MARCHF4: variants seen among roughly 807,000 people sequenced by gnomAD.
The protein encoded by MARCHF4 is E3 ubiquitin-protein ligase MARCHF4.
A neutral mutation model predicts 43.9 loss-of-function variants in MARCHF4; 14 were observed. The observed-to-expected ratio is 0.32, with a 90% confidence interval of 0.21 to 0.50. The LOEUF (loss-of-function observed/expected upper bound fraction) is 0.50, where lower values mean the gene tolerates loss of function less well. MARCHF4 is among the 20% of genes least tolerant of loss of function. The probability of loss-of-function intolerance (pLI) is 0.98; values close to 1 mark genes in which losing one functional copy is unlikely to be tolerated. For synonymous variants in MARCHF4, 226 were observed against 213.3 expected (o/e 1.06, Z -0.52); for missense variants, 468 against 536.7 (o/e 0.87, Z 1.27).
chr2:216,293,652 T>A (rs1358501903), intron 1 of MARCHF4, among the ~76,000 whole-genome samples: 1 of 85,052 alleles, frequency 1.2e-5, no homozygotes, highest in African/African-American at 2.8e-5. Flanking sequence ...ATGTTTTTCA[T>A]TTTCACAATA....
rs146275750 is a variant in MARCHF4, at chr2:216,273,501, C to T, written c.865+4171G>A. ...GAGCTTGGGCTTATGGATATTGATG[C>T]TTTTTTGTCAATGTTTTCCTCAACC... On this transcript the variant is annotated intron_variant, in intron 3 of 3. Transcript: ENST00000273067. Among the ~76,000 whole-genome samples, 431 of 152,266 alleles carry T rather than the reference C, an allele frequency of 2.8e-3. 2 individuals are homozygous for T. The highest frequency in any genetic ancestry group is 9.8e-3 in the African/African-American group (409 of 41,546).
chr2:216,280,057 A>G (rs1420186648), intron 2 of MARCHF4, among the ~76,000 whole-genome samples: 4 of 152,066 alleles, frequency 2.6e-5, no homozygotes, highest in Non-Finnish European at 5.9e-5. Flanking sequence ...TGGAACCTAA[A>G]TGGGGCTCCT....
At chr2:216,293,962 G>A (rs1017525362) in intron 1 of MARCHF4, among the ~76,000 whole-genome samples, 1 of 97,770 alleles carries the variant, frequency 1.0e-5, no homozygotes, top group Admixed American at 1.1e-4. Flanking sequence ...TTGTCTTTCT[G>A]CATAACTCAT....
chr2:216,366,377 G>T (rs1005241238), intron 1 of MARCHF4, among the ~76,000 whole-genome samples: 32 of 152,264 alleles, frequency 2.1e-4, no homozygotes, highest in Admixed American at 1.9e-3. Flanking sequence ...CTGGACTCTG[G>T]TTCTACAGTC....
intron 1 of MARCHF4, among the ~76,000 whole-genome samples, chr2:216,289,995 T>C (rs1450354613): frequency 1.3e-5 from 2 of 152,238 alleles, no homozygotes; most frequent in African/African-American, 4.8e-5. Flanking sequence ...TATCATTTAT[T>C]CATTAAATAT....
chr2:216,273,387 T>A (rs921500074), intron 3 of MARCHF4, among the ~76,000 whole-genome samples: 3 of 152,230 alleles, frequency 2.0e-5, no homozygotes, highest in Non-Finnish European at 4.4e-5. Flanking sequence ...TTACTCGGCT[T>A]TTTGAGCCAA....
At chr2:216,324,929 A>G (rs1044615064) in intron 1 of MARCHF4, among the ~76,000 whole-genome samples, 2 of 150,142 alleles carry the variant, frequency 1.3e-5, no homozygotes, top group Admixed American at 6.7e-5. Context: ...CTCTCTCACC[A>G]CTCCTATTCA....
At chr2:216,310,318 G>A (rs1034515198) in intron 1 of MARCHF4, among the ~76,000 whole-genome samples, 6 of 152,122 alleles carry the variant, frequency 3.9e-5, no homozygotes, top group Admixed American at 3.9e-4. Flanking sequence ...CTGGAGTGCA[G>A]TGGCATGATC....
At chr2:216,367,570 G>A (rs1692686074) in intron 1 of MARCHF4, among the ~76,000 whole-genome samples, 1 of 152,154 alleles carries the variant, frequency 6.6e-6, no homozygotes, top group Non-Finnish European at 1.5e-5. Flanking sequence ...GCACAGATAA[G>A]GTAAACCCCC....
At chr2:216,314,871 C>G (rs1237727197) in intron 1 of MARCHF4, among the ~76,000 whole-genome samples, 1 of 152,110 alleles carries the variant, frequency 6.6e-6, no homozygotes, top group East Asian at 1.9e-4. Context: ...AAAGAAAACA[C>G]AGATAAATAT....
chr2:216,366,519 C>T (rs1692667835), intron 1 of MARCHF4, among the ~76,000 whole-genome samples: 1 of 152,080 alleles, frequency 6.6e-6, no homozygotes, highest in African/African-American at 2.4e-5. Context: ...CTCTCTCTTC[C>T]TTTCTTCTCT....
chr2:216,316,621 C>A (rs534374039), intron 1 of MARCHF4, among the ~76,000 whole-genome samples: 23 of 152,136 alleles, frequency 1.5e-4, no homozygotes, highest in Non-Finnish European at 3.1e-4. Flanking sequence ...AGATACACCC[C>A]CAAATCCCAA....
At chr2:216,262,306 C>A (rs1690754047) in intron 3 of MARCHF4, among the ~76,000 whole-genome samples, 1 of 152,028 alleles carries the variant, frequency 6.6e-6, no homozygotes, top group Non-Finnish European at 1.5e-5. Flanking sequence ...TGATTTTTCT[C>A]CACCCCTTCA....
At chr2:216,354,959 C>CTTTCTTTCTTTCTTTA in intron 1 of MARCHF4, among the ~76,000 whole-genome samples, 1 of 135,326 alleles carries the variant, frequency 7.4e-6, no homozygotes, top group Admixed American at 7.5e-5. Flanking sequence ...TTCTTTCTTT[C>CTTTCTTTCTTTCTTTA]TTTCTTTCTT....
intron 1 of MARCHF4, among the ~76,000 whole-genome samples, chr2:216,339,350 C>G (rs1314649652): frequency 6.6e-6 from 1 of 152,232 alleles, no homozygotes; most frequent in Non-Finnish European, 1.5e-5. Flanking sequence ...ATGGTCCTCT[C>G]TCCTCCATTG....
At chr2:216,325,265 G>A (rs1352048926) in intron 1 of MARCHF4, among the ~76,000 whole-genome samples, 1 of 152,166 alleles carries the variant, frequency 6.6e-6, no homozygotes, top group Non-Finnish European at 1.5e-5. Context: ...AAAGGGATGT[G>A]AAAGACCTCT....
chr2:216,310,670 T>C (rs557926773), intron 1 of MARCHF4, among the ~76,000 whole-genome samples: 1 of 152,316 alleles, frequency 6.6e-6, no homozygotes, highest in East Asian at 1.9e-4. Context: ...ATGATAACCT[T>C]CAAAGTAGTG....
intron 1 of MARCHF4, 143 bp from the exon 2 acceptor site, chr2:216,283,872 G>C: frequency 1.1e-6 from 1 of 877,618 alleles, no homozygotes; most frequent in Non-Finnish European, 1.7e-6. Flanking sequence ...AGACTCCATG[G>C]AGGAGGCCTG....
At chr2:216,343,907 G>A (rs1352385402) in intron 1 of MARCHF4, among the ~76,000 whole-genome samples, 1 of 152,186 alleles carries the variant, frequency 6.6e-6, no homozygotes, top group African/African-American at 2.4e-5. Context: ...AACTGCAATT[G>A]AGGCAGGAGA....
Sources: allele counts gnomAD v4.1 joint callset (sites outside exome capture counted in the v4.1 genomes callset), GRCh38; gene constraint gnomAD v4.1.1; transcripts MANE v1.5; gene names NCBI Gene and HGNC (gene_info 2026-07-23, HGNC 2026-07-21).